Variants in GPAM observed in about 807,000 individuals in gnomAD.
GPAM encodes glycerol-3-phosphate acyltransferase, mitochondrial.
Under a neutral mutation model 105.0 loss-of-function variants are expected in GPAM, and 56 were observed. The observed-to-expected ratio is 0.53, with a 90% confidence interval of 0.43 to 0.67. GPAM has a LOEUF of 0.67. GPAM is among the 30% of genes least tolerant of loss of function. The probability of loss-of-function intolerance (pLI) is 0.00; values close to 1 mark genes in which losing one functional copy is unlikely to be tolerated. For missense variants in GPAM, 855 were observed against 989.8 expected (o/e 0.86, Z 1.83); for synonymous variants, 368 against 354.4 (o/e 1.04, Z -0.43).
intron 7 of GPAM, 55 bp downstream of exon 7, chr10:112,173,644 T>A (rs1847351857): frequency 6.5e-7 from 1 of 1,548,430 alleles, no homozygotes; most frequent in Non-Finnish European, 8.9e-7. Context: ...TTCAGTCTTA[T>A]TTGCTCAAAT....
chr10:112,177,517 G>T (rs1847428520), intron 5 of GPAM, among the ~76,000 whole-genome samples: 1 of 152,142 alleles, frequency 6.6e-6, no homozygotes, highest in South Asian at 2.1e-4. Context: ...CCTAGAAATT[G>T]TAAGAACTCT....
Position 112,163,766 on chromosome 10 carries a change from C to T in GPAM, c.1358G>A (p.Arg453Lys). Residue 453 changes from arginine to lysine, a missense_variant, in exon 14 of 22, where the codon AGA (arginine) becomes AAA (lysine). Transcript: ENST00000348367. ...EGRDTSINES[R>K]NATDESLRRR... ...TCGTAGGGATTCATCTGTTGCATTT[C>T]TGGACTCATTAATGGACGTGTCTCT... 6.2e-7 allele frequency: 1 copy of T among 1,608,080 alleles called. No individual in the cohort carries two copies. Among genetic ancestry groups the T allele is most frequent in the Non-Finnish European group, 8.5e-7 (1 of 1,174,514 alleles).
chr10:112,151,245 A>G lies in GPAM; in HGVS notation c.*2305T>C, dbSNP rs1846912718. The G allele has an allele frequency of 1.0e-6, 1 of 985,578 alleles. No homozygotes were observed. The allele number at this position is 985,578 out of a possible 1,614,324, so 61.1% of individuals were successfully genotyped here. On this transcript the variant is annotated 3_prime_UTR_variant, in exon 22 of 22. Coordinates refer to ENST00000348367, the MANE Select transcript of GPAM (RefSeq NM_001244949.2). The stretch of plus-strand genomic sequence containing the variant: ...GTTTGTTTAACCTTATGTGGAAGCC[A>G]TCACTGTTGGAAAACAATGAGAATG...
upstream of GPAM, among the ~76,000 whole-genome samples, chr10:112,215,763 G>A (rs895508685): frequency 1.3e-5 from 2 of 152,144 alleles, no homozygotes; most frequent in African/African-American, 4.8e-5. Context: ...GCGGGGCTGG[G>A]GTCCCCATGG....
At chr10:112,172,114 A>G (rs1847322935) in intron 9 of GPAM, 68 bp downstream of exon 9, 1 of 1,174,366 alleles carries the variant, frequency 8.5e-7, no homozygotes, top group Non-Finnish European at 1.3e-6. Context: ...GAAAGCTATA[A>G]TTTAAAAAAT....
intron 1 of GPAM, among the ~76,000 whole-genome samples, chr10:112,196,902 A>C (rs775030949): frequency 6.6e-6 from 1 of 152,148 alleles, no homozygotes; most frequent in Admixed American, 6.6e-5. Context: ...TATCAATCAC[A>C]TCATAGTTAT....
At chr10:112,216,570 GA>G (rs1180246904), upstream of GPAM, among the ~76,000 whole-genome samples, 6 of 152,074 alleles carry the variant, frequency 3.9e-5, no homozygotes, top group African/African-American at 1.4e-4. Context: ...CTGGGGAAAG[GA>G]GAAAAAGCAA....
At position 112,175,592 on chromosome 10, in the gene GPAM, G is replaced by C. The variant is rs563261253; in HGVS notation, c.413+8C>G. 2.0e-4 allele frequency: 298 copies of C among 1,473,946 alleles called. 7 individuals are homozygous for C. In the South Asian group the frequency reaches 3.3e-3, roughly 16 times the overall value. The allele number at this position is 1,473,946 out of a possible 1,614,324, so 91.3% of individuals were successfully genotyped here. ...TCTTCCCACCTTTACACCTTGCCCC[G>C]CCCTTACCTACTGCTGTTCAGCACA... On this transcript the variant is annotated splice_region_variant and intron_variant, in intron 6 of 21. Coordinates refer to ENST00000348367, the MANE Select transcript of GPAM (RefSeq NM_001244949.2).
chr10:112,190,344 A>T (rs1847641626), intron 1 of GPAM, among the ~76,000 whole-genome samples: 1 of 152,008 alleles, frequency 6.6e-6, no homozygotes, highest in South Asian at 2.1e-4. Flanking sequence ...TCTCTACTAA[A>T]AATACAAAAA....
At chr10:112,225,322 G>C in the GPAM span, among the ~76,000 whole-genome samples, 1 of 152,204 alleles carries the variant, frequency 6.6e-6, no homozygotes. Context: ...GTTCCTGGAG[G>C]GAAGAGTCCT....
chr10:112,158,461 A>C, intron 17 of GPAM, 68 bp from the exon 18 acceptor site: 1 of 1,007,742 alleles, frequency 9.9e-7, no homozygotes. Context: ...CGCAGAAAAC[A>C]TGGTACAAGG....
intron 2 of GPAM, among the ~76,000 whole-genome samples, chr10:112,182,065 C>T (rs1353313272): frequency 1.3e-5 from 2 of 151,412 alleles, no homozygotes; most frequent in Non-Finnish European, 2.9e-5. Context: ...AAGGATACAA[C>T]ATTGTATCCT....
At chr10:112,183,804 G>T (rs545531350), upstream of GPAM, 1 of 152,334 alleles carries the variant, frequency 6.6e-6, no homozygotes, top group Non-Finnish European at 1.5e-5. Flanking sequence ...TTGACGCGGG[G>T]CCGCCGGCTA....
rs753810751 is a variant in GPAM at position 112,181,757 on chromosome 10, T to C, written c.28A>G (p.Thr10Ala). The C allele has an allele frequency of 1.2e-6, 2 of 1,607,802 alleles. No homozygotes were observed. The highest frequency in any genetic ancestry group is 1.1e-5 in the South Asian group (1 of 90,964). MDESALTLG[T>A]IDVSYLPHSS... ...TGTGGCAGATAAGAAACATCTATTG[T>C]ACCAAGGGTCAGTGCAGATTCATCC... Residue 10 changes from threonine to alanine, a missense_variant, in exon 3 of 22, where the codon ACA (threonine) becomes GCA (alanine). By Grantham distance (58) the Thr-to-Ala change is moderately conservative (BLOSUM62 0). Transcript: ENST00000348367.
intron 16 of GPAM, chr10:112,160,333 T>C: frequency 1.1e-6 from 1 of 942,560 alleles, no homozygotes; most frequent in Non-Finnish European, 1.3e-6. Flanking sequence ...TCTGTGTATG[T>C]CTCATCTCAG....
At chr10:112,213,214 G>A (rs1438135188) in intron 1 of GPAM, among the ~76,000 whole-genome samples, 2 of 152,154 alleles carry the variant, frequency 1.3e-5, no homozygotes, top group Admixed American at 1.3e-4. Flanking sequence ...GGCTCTTTCA[G>A]CCCTAGAGTG....
At chr10:112,168,580 G>T in intron 10 of GPAM, 56 bp from the exon 11 acceptor site, 1 of 1,181,434 alleles carries the variant, frequency 8.5e-7, no homozygotes, top group Non-Finnish European at 1.3e-6. Flanking sequence ...CTTAGAATGA[G>T]CTCAGAAAAA....
In GPAM at chr10:112,160,810, G is replaced by A. The variant is rs776650370; in HGVS notation, c.1553C>T (p.Ala518Val). 1.2e-6 allele frequency: 2 copies of A among 1,613,416 alleles called. No individual in the cohort carries two copies. The highest frequency in any genetic ancestry group is 4.5e-5 in the East Asian group (2 of 44,866). The change falls in exon 16 of 22, where the codon GCT becomes GTT. Residue 518 changes from alanine (A) to valine (V), a missense_variant. Coordinates refer to ENST00000348367, the MANE Select transcript of GPAM (RefSeq NM_001244949.2). ...TGAGAACCCCAGGTCAAAATCACGA[G>A]CCAGGACTTCCTCTTTCATCACAAA... ...DFFVMKEEVL[A>V]RDFDLGFSGN...
intron 1 of GPAM, among the ~76,000 whole-genome samples, chr10:112,195,097 T>A (rs1847707485): frequency 6.6e-6 from 1 of 151,842 alleles, no homozygotes; most frequent in South Asian, 2.1e-4. Context: ...CCCATACACA[T>A]CAGCCAGACC....
Sources: allele counts gnomAD v4.1 joint callset (sites outside exome capture counted in the v4.1 genomes callset), GRCh38; gene constraint gnomAD v4.1.1; transcripts MANE v1.5; gene names NCBI Gene and HGNC (gene_info 2026-07-23, HGNC 2026-07-21).